ASIC2: variants seen among roughly 807,000 people sequenced by gnomAD.
ASIC2 encodes the protein acid sensing ion channel subunit 2, also known as acid-sensing ion channel 2.
A neutral mutation model predicts 57.3 loss-of-function variants in ASIC2; 25 were observed. The ratio of observed to expected loss-of-function variants is 0.44; its 90% CI spans 0.32 to 0.61. ASIC2 has a LOEUF of 0.61. Ranked by LOEUF, ASIC2 falls within the 20% of genes least tolerant of loss-of-function variation. The pLI is 0.06. For missense variants in ASIC2, 641 were observed against 738.1 expected, an observed-to-expected ratio of 0.87 and a Z score of 1.52; for synonymous variants, 319 against 307.5, an observed-to-expected ratio of 1.04 and a Z score of -0.39.
At chr17:33,967,637 A>G (rs9907661) in intron 1 of ASIC2, among the ~76,000 whole-genome samples, 3 of 152,236 alleles carry the variant, frequency 2.0e-5, no homozygotes, top group Non-Finnish European at 4.4e-5. Context: ...CATTGGAGAC[A>G]CCATGAAATT....
intron 1 of ASIC2, among the ~76,000 whole-genome samples, chr17:33,704,779 G>A (rs1218250432): frequency 6.6e-6 from 1 of 152,180 alleles, no homozygotes; most frequent in East Asian, 1.9e-4. Context: ...GGGATTGGAT[G>A]TAATGGTCAT....
rs147624490 is a variant in ASIC2 at position 33,670,780 on chromosome 17, A to G, written c.555+485198T>C. ...CTGGGTACACAGGCTCCAGGATGGT[A>G]TGGCAGGACAACCCCCAGGTAAATG... On this transcript the variant is annotated intron_variant, in intron 1 of 9. Transcript: ENST00000359872. Among the ~76,000 whole-genome samples, 486 of 152,322 alleles carry G rather than the reference A, an allele frequency of 3.2e-3. 8 individuals carry two copies. The highest frequency in any genetic ancestry group is 0.011 in the African/African-American group (462 of 41,574).
At chr17:33,663,498 A>G (rs1398901242) in intron 1 of ASIC2, among the ~76,000 whole-genome samples, 1 of 150,012 alleles carries the variant, frequency 6.7e-6, no homozygotes, top group Admixed American at 6.6e-5. Context: ...TATGCGTGCT[A>G]AAGTGTGCTT....
rs984579976 is a variant in ASIC2 at position 33,479,360 on chromosome 17, T to A, written c.556-367293A>T. ...TATATTTGTTGAGGGAAAGAGATTTTTTTTTAAGAGCCTAAATGATAAGAT... is the reference window on the plus strand; with the variant it reads ...TATATTTGTTGAGGGAAAGAGATTTATTTTTAAGAGCCTAAATGATAAGAT... On this transcript the variant is annotated intron_variant, in intron 1 of 9. Transcript: ENST00000359872. 3.3e-5 allele frequency among the ~76,000 whole-genome samples: 5 copies of A among 152,234 alleles called. No homozygotes were observed. In the South Asian group the frequency reaches 1.0e-3, roughly 32 times the overall value.
At chr17:33,594,410 A>G (rs1904917986) in intron 1 of ASIC2, among the ~76,000 whole-genome samples, 1 of 152,268 alleles carries the variant, frequency 6.6e-6, no homozygotes, top group South Asian at 2.1e-4. Context: ...ACAGTGACTT[A>G]GAATGCAACT....
intron 1 of ASIC2, among the ~76,000 whole-genome samples, chr17:33,346,599 C>T (rs944176793): frequency 1.3e-5 from 2 of 152,124 alleles, no homozygotes; most frequent in African/African-American, 4.8e-5. Flanking sequence ...GCTCTGGCCA[C>T]ATCAAGTTTG....
chr17:33,532,743 C>T (rs556188530), intron 1 of ASIC2, among the ~76,000 whole-genome samples: 3 of 152,262 alleles, frequency 2.0e-5, no homozygotes, highest in African/African-American at 4.8e-5. Context: ...AGCCTTCTGC[C>T]GCCAGTCTTG....
intron 1 of ASIC2, among the ~76,000 whole-genome samples, chr17:33,873,902 C>T (rs953691559): frequency 2.0e-5 from 3 of 152,180 alleles, no homozygotes; most frequent in Admixed American, 6.5e-5. Context: ...ACCTCTGGCA[C>T]TTAGGAGGAA....
intron 1 of ASIC2, among the ~76,000 whole-genome samples, chr17:33,959,486 C>A (rs1904852170): frequency 6.6e-6 from 1 of 152,170 alleles, no homozygotes; most frequent in African/African-American, 2.4e-5. Context: ...AGTCTGAGTT[C>A]CAAAATCTCA....
At chr17:33,743,363 T>C (rs1178338932) in intron 1 of ASIC2, among the ~76,000 whole-genome samples, 1 of 152,240 alleles carries the variant, frequency 6.6e-6, no homozygotes, top group East Asian at 1.9e-4. Flanking sequence ...AGCTCCATCA[T>C]GTGTGGGTGT....
chr17:33,297,288 C>T (rs1905756137), upstream of ASIC2, among the ~76,000 whole-genome samples: 1 of 152,178 alleles, frequency 6.6e-6, no homozygotes, highest in Non-Finnish European at 1.5e-5. Flanking sequence ...TGTGATCCTC[C>T]AGCCCTGTGG....
chr17:33,546,982 A>G (rs1442034609), intron 1 of ASIC2, among the ~76,000 whole-genome samples: 5 of 152,124 alleles, frequency 3.3e-5, no homozygotes, highest in Non-Finnish European at 7.4e-5. Context: ...CTGAGTGCAG[A>G]TGACAACTAG....
At chr17:33,195,611 C>A (rs1906591652) in intron 1 of ASIC2, among the ~76,000 whole-genome samples, 1 of 152,192 alleles carries the variant, frequency 6.6e-6, no homozygotes, top group Non-Finnish European at 1.5e-5. Context: ...AGGAAGTTAG[C>A]ATGTTATCAG....
At chr17:34,029,987 C>A (rs1374323524) in intron 1 of ASIC2, among the ~76,000 whole-genome samples, 1 of 152,194 alleles carries the variant, frequency 6.6e-6, no homozygotes, top group African/African-American at 2.4e-5. Flanking sequence ...CCTGATTCCA[C>A]TGAACCAGGC....
chr17:34,156,137 G>A lies in ASIC2; in HGVS notation c.396C>T (p.Ser132=), dbSNP rs374323534. ...CCTTCTGCCGCAGGGCCTCCAGCACGGAGGGGTCAGCCAGATGGGGGTCCG... is the reference window on the plus strand; with the variant it reads ...CCTTCTGCCGCAGGGCCTCCAGCACAGAGGGGTCAGCCAGATGGGGGTCCG... Residue 132 remains serine (S), a synonymous_variant, in exon 1 of 10, where the codon TCC becomes TCT. Transcript: ENST00000359872. The surrounding 1 kb of genome is among the most constrained non-coding windows in gnomAD (Gnocchi z 4.4). 6.2e-6 allele frequency: 10 copies of A among 1,614,108 alleles called. No individual in the cohort carries two copies. The highest frequency in any genetic ancestry group is 2.7e-5 in the African/African-American group (2 of 75,034).
intron 1 of ASIC2, among the ~76,000 whole-genome samples, chr17:33,650,048 A>G (rs1906870463): frequency 6.6e-6 from 1 of 152,244 alleles, no homozygotes; most frequent in Non-Finnish European, 1.5e-5. Flanking sequence ...GGGTAAAAAG[A>G]CAAGGTACAA....
intron 1 of ASIC2, among the ~76,000 whole-genome samples, chr17:34,042,995 T>C (rs750488880): frequency 4.6e-5 from 7 of 152,198 alleles, no homozygotes; most frequent in African/African-American, 1.4e-4. Context: ...ACATGGATGA[T>C]TGTCACAAAC....
rs1482217760 is a variant in ASIC2 at position 33,315,617 on chromosome 17, T to G, written c.556-203550A>C. On this transcript the variant is annotated intron_variant, in intron 1 of 9. Transcript: ENST00000359872. ...GATTCTCATTATCTGAGAAAGCACA[T>G]GATCCTGCTGTTTAAGGGAGGAAAT... 2.6e-5 allele frequency among the ~76,000 whole-genome samples: 4 copies of G among 152,346 alleles called. No homozygotes were observed. In the East Asian group the frequency reaches 5.8e-4, roughly 22 times the overall value.
intron 1 of ASIC2, among the ~76,000 whole-genome samples, chr17:34,085,637 G>A (rs957003578): frequency 1.1e-3 from 169 of 152,208 alleles, no homozygotes; most frequent in Non-Finnish European, 2.1e-3. Context: ...TTGTACCTCT[G>A]GTAGAATTTG....
Sources: allele counts gnomAD v4.1 joint callset (sites outside exome capture counted in the v4.1 genomes callset), GRCh38; gene constraint gnomAD v4.1.1; non-coding constraint Gnocchi (gnomAD v3.1); transcripts MANE v1.5; gene names NCBI Gene and HGNC (gene_info 2026-07-23, HGNC 2026-07-21).